ENPP3: variants seen among roughly 807,000 people sequenced by gnomAD.
The protein encoded by ENPP3 is ectonucleotide pyrophosphatase/phosphodiesterase 3.
Under a neutral mutation model 117.8 loss-of-function variants are expected in ENPP3, and 104 were observed. That is an observed-to-expected ratio of 0.88 (90% CI 0.75 to 1.04). The LOEUF (loss-of-function observed/expected upper bound fraction) is 1.04, where lower values mean the gene tolerates loss of function less well. Among genes scored for constraint, ENPP3 ranks in the 50% least tolerant of loss-of-function variants. The pLI is 0.00. For missense variants in ENPP3, 1,026 were observed against 1,051.9 expected, an observed-to-expected ratio of 0.98 and a Z score of 0.34; for synonymous variants, 380 against 349.9, an observed-to-expected ratio of 1.09 and a Z score of -0.96.
Position 131,747,124 on chromosome 6 carries a change from A to G in ENPP3, c.*168A>G. ...TTTCTCTTTTTTCAATTCTATGAATATGTATTATTTTAAAGTTATATTTTT... is the reference window on the plus strand; with the variant it reads ...TTTCTCTTTTTTCAATTCTATGAATGTGTATTATTTTAAAGTTATATTTTT... On this transcript the variant is annotated 3_prime_UTR_variant, in exon 25 of 25. Coordinates refer to ENST00000357639, the MANE Select transcript of ENPP3 (RefSeq NM_005021.5). 1 of 449,630 alleles carries G rather than the reference A, an allele frequency of 2.2e-6. No homozygotes were observed. The highest frequency in any genetic ancestry group is 3.9e-6 in the Non-Finnish European group (1 of 259,686). 27.9% of individuals were successfully genotyped at this position (449,630 alleles called of 1,614,324 possible).
chr6:131,667,923 C>A (rs1778651542), intron 6 of ENPP3, among the ~76,000 whole-genome samples: 1 of 152,142 alleles, frequency 6.6e-6, no homozygotes, highest in African/African-American at 2.4e-5. Context: ...TGCATACTTG[C>A]AACTCTGGGA....
Position 131,685,887 on chromosome 6 carries a change from G to T in ENPP3, c.1264G>T (p.Glu422Ter). The change falls in exon 14 of 25, where the codon GAA becomes TAA. Residue 422 changes from glutamate to a stop codon, truncating the protein, a stop_gained. Transcript: ENST00000357639. LOFTEE classifies it high-confidence loss of function. ...TTCTTTTGAAACAGTTAATTCTGAG[G>T]AAATTGTTAGAAACCTCAGTGTAAG... The part of the protein sequence containing the change: ...PHDFFSFNSE[E>*]IVRNLSCRKP... 1 of 945,502 alleles carries T rather than the reference G, an allele frequency of 1.1e-6. No homozygotes were observed. The highest frequency in any genetic ancestry group is 2.6e-5 in the East Asian group (1 of 37,948). 58.6% of individuals were successfully genotyped at this position (945,502 alleles called of 1,614,324 possible).
chr6:131,693,703 T>A, intron 15 of ENPP3, 79 bp downstream of exon 15: 2 of 1,370,952 alleles, frequency 1.5e-6, no homozygotes, highest in Non-Finnish European at 2.0e-6. Flanking sequence ...CTTACCCTGC[T>A]ATTATCATCA....
intron 10 of ENPP3, among the ~76,000 whole-genome samples, chr6:131,677,097 A>T (rs967285609): frequency 6.6e-6 from 1 of 152,074 alleles, no homozygotes; most frequent in South Asian, 2.1e-4. Flanking sequence ...TTAGCTGGGC[A>T]TGGTGGTACG....
chr6:131,688,605 G>C (rs1452199712), intron 14 of ENPP3, among the ~76,000 whole-genome samples: 3 of 152,130 alleles, frequency 2.0e-5, no homozygotes, highest in Non-Finnish European at 2.9e-5. Context: ...TGGCTGGATA[G>C]AAAATCAACT....
chr6:131,655,795 C>A (rs1778373199), intron 5 of ENPP3, among the ~76,000 whole-genome samples: 1 of 152,134 alleles, frequency 6.6e-6, no homozygotes, highest in Non-Finnish European at 1.5e-5. Flanking sequence ...ACTGATTTGT[C>A]AATCTTGATG....
chr6:131,675,063 C>T lies in ENPP3; in HGVS notation c.763-17C>T. ...AAAGTAATTACTGACTTTCGCTTATCCTAAATTTTCTTACAGATGTGGCTG... is the reference window on the plus strand; with the variant it reads ...AAAGTAATTACTGACTTTCGCTTATTCTAAATTTTCTTACAGATGTGGCTG... On this transcript the variant is annotated splice_polypyrimidine_tract_variant and intron_variant, in intron 8 of 24. Coordinates refer to ENST00000357639, the MANE Select transcript of ENPP3 (RefSeq NM_005021.5). 1 of 1,543,602 alleles carries T rather than the reference C, an allele frequency of 6.5e-7. No homozygotes were observed.
intron 11 of ENPP3, among the ~76,000 whole-genome samples, chr6:131,680,157 A>G (rs889778411): frequency 6.6e-6 from 1 of 152,228 alleles, no homozygotes; most frequent in Non-Finnish European, 1.5e-5. Context: ...TAGCTTTCCC[A>G]ACATTCCAGA....
At chr6:131,675,311 A>G (rs1278090269) in intron 9 of ENPP3, 122 bp downstream of exon 9, 1 of 648,828 alleles carries the variant, frequency 1.5e-6, no homozygotes, top group African/African-American at 1.8e-5. Flanking sequence ...GGGAATCACC[A>G]TTGATTCCTT....
At chr6:131,733,807 C>T in intron 21 of ENPP3, 84 bp downstream of exon 21, 1 of 1,408,780 alleles carries the variant, frequency 7.1e-7, no homozygotes, top group Non-Finnish European at 9.8e-7. Context: ...ATATACTCCC[C>T]ACCAAAACTA....
chr6:131,648,638 T>G (rs1192576062), intron 2 of ENPP3, among the ~76,000 whole-genome samples: 2 of 152,210 alleles, frequency 1.3e-5, no homozygotes, highest in African/African-American at 4.8e-5. Context: ...AATTTAAAAC[T>G]ATGCACTGGT....
At chr6:131,677,034 C>T (rs922393071) in intron 10 of ENPP3, among the ~76,000 whole-genome samples, 1 of 151,658 alleles carries the variant, frequency 6.6e-6, no homozygotes, top group African/African-American at 2.4e-5. Flanking sequence ...CCAGGAGTCC[C>T]GGACCAACCT....
intron 6 of ENPP3, among the ~76,000 whole-genome samples, chr6:131,661,349 G>A (rs1270710899): frequency 1.3e-5 from 2 of 152,058 alleles, no homozygotes; most frequent in East Asian, 3.8e-4. Flanking sequence ...CAGTGTACAA[G>A]AGTTCCAATT....
At chr6:131,737,909 A>G (rs1202868778) in intron 22 of ENPP3, 122 bp from the exon 23 acceptor site, 1 of 652,826 alleles carries the variant, frequency 1.5e-6, no homozygotes, top group Non-Finnish European at 2.4e-6. Flanking sequence ...GAATTACCCA[A>G]TCATCACTGG....
chr6:131,674,612 C>T (rs1778825009), intron 8 of ENPP3, among the ~76,000 whole-genome samples: 2 of 148,446 alleles, frequency 1.3e-5, no homozygotes, highest in Non-Finnish European at 3.0e-5. Flanking sequence ...CTTGCTCTGT[C>T]GCCAGGCTGG....
intron 15 of ENPP3, chr6:131,710,096 C>G: frequency 6.2e-7 from 1 of 1,613,936 alleles, no homozygotes; most frequent in Non-Finnish European, 8.5e-7. Context: ...GGAGGATCAT[C>G]TAAGTTAGCA....
chr6:131,669,355 G>A (rs946236725), intron 6 of ENPP3, among the ~76,000 whole-genome samples: 1 of 151,928 alleles, frequency 6.6e-6, no homozygotes, highest in African/African-American at 2.4e-5. Context: ...AATACATTAG[G>A]ATGACCTGGG....
intron 2 of ENPP3, among the ~76,000 whole-genome samples, chr6:131,648,246 A>G (rs1288297781): frequency 6.6e-6 from 1 of 151,618 alleles, no homozygotes; most frequent in African/African-American, 2.4e-5. Flanking sequence ...TGCTCTGAGA[A>G]TTATCACTTT....
intron 1 of ENPP3, among the ~76,000 whole-genome samples, chr6:131,640,646 T>A (rs899319317): frequency 1.5e-4 from 23 of 152,232 alleles, no homozygotes; most frequent in African/African-American, 4.1e-4. Flanking sequence ...ATAACAAAGG[T>A]TATTGTAAAA....
Sources: gnomAD v4.1 joint callset for allele counts (sites outside exome capture counted in the v4.1 genomes callset) on GRCh38, gnomAD v4.1.1 for gene constraint, MANE v1.5 for transcripts, NCBI Gene and HGNC (gene_info 2026-07-23, HGNC 2026-07-21) for gene names.